Variants in VGLL4 observed in about 807,000 individuals in gnomAD.
The protein encoded by VGLL4 is vestigial like family member 4, also known as transcription cofactor vestigial-like protein 4.
In VGLL4, 7 loss-of-function variants were observed where a neutral mutation model predicts 21.0. The observed-to-expected ratio is 0.33, with a 90% CI of 0.19 to 0.63. VGLL4 has a LOEUF of 0.63. Among genes scored for constraint, VGLL4 ranks in the 20% least tolerant of loss-of-function variants. The probability of loss-of-function intolerance (pLI) is 0.78; values close to 1 mark genes in which losing one functional copy is unlikely to be tolerated. For synonymous variants in VGLL4, 222 were observed against 173.2 expected, an observed-to-expected ratio of 1.28 and a Z score of -2.21; for missense variants, 394 against 425.7, an observed-to-expected ratio of 0.93 and a Z score of 0.66.
chr3:11,680,712 C>A (rs562947827), intron 2 of VGLL4, among the ~76,000 whole-genome samples: 1 of 152,216 alleles, frequency 6.6e-6, no homozygotes, highest in African/African-American at 2.4e-5. Flanking sequence ...CCCACACTCA[C>A]GTGGCATAAT....
intron 1 of VGLL4, among the ~76,000 whole-genome samples, chr3:11,623,696 T>C (rs1258894095): frequency 6.6e-6 from 1 of 152,122 alleles, no homozygotes; most frequent in Non-Finnish European, 1.5e-5. Flanking sequence ...GCTGAGCTCA[T>C]ATGTAAAGCA....
Position 11,671,615 on chromosome 3 carries a change from G to A in VGLL4, c.64+31356C>T, listed in dbSNP as rs548154707. Among the ~76,000 whole-genome samples, 10 of 152,252 alleles carry A rather than the reference G, an allele frequency of 6.6e-5. No individual in the cohort carries two copies. In the South Asian group the frequency reaches 1.7e-3, roughly 25 times the overall value. The stretch of plus-strand genomic sequence containing the variant: ...GAAAAACATTCCCATATGGGGTGGT[G>A]GACCCTCACAGATCAAACATGTTGC... On this transcript the variant is annotated intron_variant, in intron 2 of 5. Coordinates refer to the VGLL4 transcript ENST00000273038.
intron 2 of VGLL4, among the ~76,000 whole-genome samples, chr3:11,669,098 G>A (rs1164015874): frequency 6.6e-6 from 1 of 152,240 alleles, no homozygotes; most frequent in Non-Finnish European, 1.5e-5. Context: ...CAGAACCATA[G>A]ATCCTTCATC....
chr3:11,579,766 A>ATGGTAATGGT (rs968811221), intron 2 of VGLL4, among the ~76,000 whole-genome samples: 42 of 152,218 alleles, frequency 2.8e-4, no homozygotes, highest in African/African-American at 9.6e-4. Context: ...TCCAAACCAG[A>ATGGTAATGGT]TGGTAATGGT....
intron 2 of VGLL4, among the ~76,000 whole-genome samples, chr3:11,651,931 TATC>T (rs1300320025): frequency 3.9e-5 from 6 of 152,164 alleles, no homozygotes; most frequent in Admixed American, 2.6e-4. Flanking sequence ...CAAAAGCAAA[TATC>T]ATTAAACTAT....
rs576324581 is a variant in VGLL4 at position 11,685,188 on chromosome 3, T to C, written c.64+17783A>G. ...CGTGCTTTTTTGTAGCTGCATAGTA[T>C]TCCATGGTGTTGTTTTTTTTTTTTT... On this transcript the variant is annotated intron_variant, in intron 2 of 5. Transcript: ENST00000273038. 9.9e-4 allele frequency among the ~76,000 whole-genome samples: 139 copies of C among 140,984 alleles called. 1 individual carries two copies. Among genetic ancestry groups the C allele is most frequent in the African/African-American group, 3.3e-3 (127 of 37,954 alleles). The allele number at this position is 140,984 out of a possible 152,430, so 92.5% of individuals were successfully genotyped here. A position where few individuals can be genotyped will look rare whatever the true frequency, so the allele number is the denominator to read the frequency against.
At chr3:11,619,001 G>T (rs190073683) in intron 1 of VGLL4, among the ~76,000 whole-genome samples, 2 of 152,188 alleles carry the variant, frequency 1.3e-5, no homozygotes, top group Non-Finnish European at 2.9e-5. Context: ...AAGATATAAA[G>T]GCCAATCAAC....
At chr3:11,655,385 G>A (rs1045827400) in intron 2 of VGLL4, among the ~76,000 whole-genome samples, 1 of 152,162 alleles carries the variant, frequency 6.6e-6, no homozygotes, top group African/African-American at 2.4e-5. Flanking sequence ...TCGTGGGCAG[G>A]ACTAGGGGGC....
intron 1 of VGLL4, among the ~76,000 whole-genome samples, chr3:11,630,773 G>A (rs73127154): frequency 0.02 from 2,993 of 152,230 alleles, 90 homozygotes; most frequent in African/African-American, 0.066. Context: ...AAAGTTAAAC[G>A]TACCCAATAA....
At chr3:11,676,083 T>C (rs988268396) in intron 2 of VGLL4, among the ~76,000 whole-genome samples, 1 of 152,094 alleles carries the variant, frequency 6.6e-6, no homozygotes, top group African/African-American at 2.4e-5. Flanking sequence ...TCCCACGGAT[T>C]TGTATAATTA....
chr3:11,703,716 C>T (rs2076716637), intron 1 of VGLL4, among the ~76,000 whole-genome samples: 1 of 152,150 alleles, frequency 6.6e-6, no homozygotes, highest in African/African-American at 2.4e-5. Context: ...AACCAGAATG[C>T]TTTTTACCCA....
chr3:11,612,537 A>G (rs2075083525), intron 1 of VGLL4: 1 of 152,228 alleles, frequency 6.6e-6, no homozygotes. Flanking sequence ...AAAAGAATGA[A>G]CACTCATCCA....
intron 2 of VGLL4, among the ~76,000 whole-genome samples, chr3:11,696,317 G>A (rs944251065): frequency 6.6e-6 from 1 of 152,122 alleles, no homozygotes; most frequent in Non-Finnish European, 1.5e-5. Context: ...ATTATTCCTG[G>A]GTTTTAGAGT....
At position 11,568,672 on chromosome 3, in the gene VGLL4, C is replaced by T. The variant is rs1039331463; in HGVS notation, c.273-3653G>A. On this transcript the variant is annotated intron_variant, in intron 2 of 4. Transcript: ENST00000430365. This position sits in a 1 kb window ranked among gnomAD's most constrained non-coding sequence, Gnocchi z 5.9. ...CATTGTTTTCCAGGCCCCGCTCGCCCGGATGAATCACCTCCCGGCCACTGC... is the reference window on the plus strand; with the variant it reads ...CATTGTTTTCCAGGCCCCGCTCGCCTGGATGAATCACCTCCCGGCCACTGC... 2.3e-5 allele frequency: 36 copies of T among 1,555,814 alleles called. No homozygotes were observed. The African/African-American group carries it at 2.3e-4, about 10-fold the overall frequency.
chr3:11,690,776 A>G (rs1313583983), intron 2 of VGLL4, among the ~76,000 whole-genome samples: 3 of 152,214 alleles, frequency 2.0e-5, no homozygotes, highest in Admixed American at 6.5e-5. Flanking sequence ...TCCAATAAAA[A>G]GGCAGTTACA....
chr3:11,603,743 G>T (rs1028439129), intron 1 of VGLL4, among the ~76,000 whole-genome samples: 1 of 152,070 alleles, frequency 6.6e-6, no homozygotes, highest in Non-Finnish European at 1.5e-5. Context: ...AGGAGTCCTC[G>T]GGCTTGGACC....
intron 1 of VGLL4, among the ~76,000 whole-genome samples, chr3:11,614,366 C>T (rs61521214): frequency 0.035 from 5,279 of 152,308 alleles, 241 homozygotes; most frequent in African/African-American, 0.1. Flanking sequence ...TGTGTGCTAC[C>T]GCCAAACAGG....
chr3:11,622,754 T>G (rs912377598), intron 1 of VGLL4, among the ~76,000 whole-genome samples: 1 of 152,224 alleles, frequency 6.6e-6, no homozygotes, highest in African/African-American at 2.4e-5. Flanking sequence ...TGTAGCTCTT[T>G]GTCAGTCTCA....
chr3:11,708,889 C>T (rs914820275), intron 1 of VGLL4, among the ~76,000 whole-genome samples: 2 of 151,672 alleles, frequency 1.3e-5, no homozygotes, highest in African/African-American at 2.4e-5. Flanking sequence ...TGGTGAAACT[C>T]AGTCTCTACT....
Sources: gnomAD v4.1 joint callset for allele counts (sites outside exome capture counted in the v4.1 genomes callset) on GRCh38, gnomAD v4.1.1 for gene constraint, Gnocchi (gnomAD v3.1) non-coding constraint, MANE v1.5 for transcripts, NCBI Gene and HGNC (gene_info 2026-07-23, HGNC 2026-07-21) for gene names.